The following MTUS2 variants were observed in gnomAD, a reference collection of about 807,000 sequenced individuals.
MTUS2 encodes microtubule-associated tumor suppressor candidate 2.
MTUS2 carries 40 observed loss-of-function variants against 114.1 expected under a neutral mutation model. That is an observed-to-expected ratio of 0.35 (90% CI 0.27 to 0.46). MTUS2 has a LOEUF of 0.46. MTUS2 is among the 20% of genes least tolerant of loss of function. The pLI, the probability that MTUS2 is intolerant of heterozygous loss-of-function variation, is 1.00. For synonymous variants in MTUS2, 688 were observed against 672.0 expected, an observed-to-expected ratio of 1.02 and a Z score of -0.37; for missense variants, 1,679 against 1,705.4, an observed-to-expected ratio of 0.98 and a Z score of 0.27.
chr13:29,011,888 T>C (rs1885858624), intron 2 of MTUS2, among the ~76,000 whole-genome samples: 1 of 152,164 alleles, frequency 6.6e-6, no homozygotes, highest in Admixed American at 6.5e-5. Flanking sequence ...AGGGATCTAG[T>C]TCATTTGACA....
chr13:29,245,932 C>T (rs1029086441), intron 5 of MTUS2, among the ~76,000 whole-genome samples: 2 of 152,084 alleles, frequency 1.3e-5, no homozygotes, highest in African/African-American at 4.8e-5. Context: ...CTCCTGAGCT[C>T]GTGATCTGCC....
chr13:29,318,025 G>A (rs1006301648), intron 6 of MTUS2, among the ~76,000 whole-genome samples: 11 of 152,110 alleles, frequency 7.2e-5, no homozygotes, highest in East Asian at 1.9e-4. Context: ...TGCAATCCTC[G>A]TGTTCCCTGT....
chr13:28,931,257 C>A (rs1245205712), intron 2 of MTUS2, among the ~76,000 whole-genome samples: 1 of 152,070 alleles, frequency 6.6e-6, no homozygotes, highest in Non-Finnish European at 1.5e-5. Flanking sequence ...TAAAAAATAG[C>A]AATACAATGA....
At chr13:29,101,498 T>C (rs1330955591) in intron 5 of MTUS2, among the ~76,000 whole-genome samples, 1 of 152,226 alleles carries the variant, frequency 6.6e-6, no homozygotes, top group African/African-American at 2.4e-5. Flanking sequence ...GAGATGGTGC[T>C]GTTGCAGGCC....
At chr13:29,351,161 T>G (rs542671153) in intron 7 of MTUS2, among the ~76,000 whole-genome samples, 39 of 152,096 alleles carry the variant, frequency 2.6e-4, no homozygotes, top group African/African-American at 9.2e-4. Flanking sequence ...GGACAGTTTT[T>G]CTTTTTCCAA....
intron 9 of MTUS2, among the ~76,000 whole-genome samples, chr13:29,448,692 TTA>T (rs1367095459): frequency 6.6e-6 from 1 of 151,836 alleles, no homozygotes; most frequent in Non-Finnish European, 1.5e-5. Context: ...CTTTACTTTT[TTA>T]TGTTTTCTGA....
chr13:28,933,781 G>A (rs1006383044), intron 2 of MTUS2, among the ~76,000 whole-genome samples: 1 of 152,142 alleles, frequency 6.6e-6, no homozygotes, highest in Non-Finnish European at 1.5e-5. Context: ...TTTAACTAAG[G>A]TCACACAATT....
chr13:28,904,675 A>G (rs1466190559), intron 2 of MTUS2, among the ~76,000 whole-genome samples: 9 of 152,116 alleles, frequency 5.9e-5, no homozygotes, highest in African/African-American at 2.2e-4. Flanking sequence ...TATAGTTTGA[A>G]GTCAGGTAGC....
At chr13:28,920,449 T>C (rs1214102793) in intron 2 of MTUS2, among the ~76,000 whole-genome samples, 1 of 152,094 alleles carries the variant, frequency 6.6e-6, no homozygotes, top group Non-Finnish European at 1.5e-5. Flanking sequence ...GAACTAGGGG[T>C]GAGGGGACAC....
At chr13:28,950,698 T>C (rs1882765506) in intron 2 of MTUS2, among the ~76,000 whole-genome samples, 1 of 152,212 alleles carries the variant, frequency 6.6e-6, no homozygotes, top group African/African-American at 2.4e-5. Flanking sequence ...TGCCATCTTA[T>C]ATGGGCATGG....
chr13:28,855,129 A>G (rs954981022), intron 2 of MTUS2, among the ~76,000 whole-genome samples: 8 of 152,088 alleles, frequency 5.3e-5, no homozygotes, highest in Non-Finnish European at 1.0e-4. Flanking sequence ...ATCCCAACAG[A>G]TAAATATACC....
intron 5 of MTUS2, among the ~76,000 whole-genome samples, chr13:29,121,277 C>T (rs143024766): frequency 6.6e-6 from 1 of 152,200 alleles, no homozygotes; most frequent in Non-Finnish European, 1.5e-5. Flanking sequence ...TAATTAAGAG[C>T]CCATTGCTTT....
At chr13:28,978,477 T>C (rs1884216864) in intron 2 of MTUS2, among the ~76,000 whole-genome samples, 1 of 152,266 alleles carries the variant, frequency 6.6e-6, no homozygotes, top group African/African-American at 2.4e-5. Context: ...ATATCATTTA[T>C]ACACTGGTTT....
At chr13:29,479,803 C>T (rs1009346421) in intron 9 of MTUS2, among the ~76,000 whole-genome samples, 4 of 152,144 alleles carry the variant, frequency 2.6e-5, no homozygotes, top group African/African-American at 9.7e-5. Flanking sequence ...TTACCAAACG[C>T]CCAATATTTT....
At chr13:29,197,804 T>C (rs1409616110) in intron 5 of MTUS2, among the ~76,000 whole-genome samples, 2 of 152,248 alleles carry the variant, frequency 1.3e-5, no homozygotes, top group Admixed American at 6.5e-5. Context: ...ATTTCTCTAA[T>C]GACCAGTGAT....
intron 2 of MTUS2, among the ~76,000 whole-genome samples, chr13:28,890,434 G>T (rs915618970): frequency 6.6e-6 from 1 of 152,112 alleles, no homozygotes; most frequent in Non-Finnish European, 1.5e-5. Context: ...TCCTGGTGTG[G>T]CAACTGGGAG....
intron 1 of MTUS2, among the ~76,000 whole-genome samples, chr13:28,824,889 G>T (rs1566159056): frequency 1.3e-5 from 2 of 152,188 alleles, no homozygotes; most frequent in Non-Finnish European, 2.9e-5. Flanking sequence ...GGGAGCAGGA[G>T]TGGGTTATGG....
rs563026513 is a variant in MTUS2 at position 29,057,924 on chromosome 13, G to A, written c.2446+23799G>A. On this transcript the variant is annotated intron_variant, in intron 4 of 15. Coordinates refer to ENST00000612955, the MANE Select transcript of MTUS2 (RefSeq NM_001033602.4). ...GGTCTATGTTCTTTAGTGTGTTTTTGTGGTGGCCAGCAATGGTGTTTCCAT... is the reference window on the plus strand; with the variant it reads ...GGTCTATGTTCTTTAGTGTGTTTTTATGGTGGCCAGCAATGGTGTTTCCAT... Among the ~76,000 whole-genome samples, 3 of 152,150 alleles carry A rather than the reference G, an allele frequency of 2.0e-5. No individual in the cohort carries two copies. The East Asian group carries it at 5.8e-4, about 29-fold the overall frequency.
At chr13:29,173,728 A>G (rs1190306854) in intron 5 of MTUS2, among the ~76,000 whole-genome samples, 2 of 152,140 alleles carry the variant, frequency 1.3e-5, no homozygotes, top group Non-Finnish European at 2.9e-5. Flanking sequence ...GGTCAGTACT[A>G]CAGTCAAAGA....
Sources: gnomAD v4.1 joint callset for allele counts (sites outside exome capture counted in the v4.1 genomes callset) on GRCh38, gnomAD v4.1.1 for gene constraint, MANE v1.5 for transcripts, NCBI Gene and HGNC (gene_info 2026-07-23, HGNC 2026-07-21) for gene names.